Variants in NAV2 observed in about 807,000 individuals in gnomAD.
NAV2 encodes helicase, APC down-regulated 1.
A neutral mutation model predicts 223.2 loss-of-function variants in NAV2; 54 were observed. That is an observed-to-expected ratio of 0.24 (90% CI 0.19 to 0.30). The LOEUF (loss-of-function observed/expected upper bound fraction) is 0.30, where lower values mean the gene tolerates loss of function less well. NAV2 is among the 10% of genes least tolerant of loss of function. The pLI, the probability that NAV2 is intolerant of heterozygous loss-of-function variation, is 1.00. For missense variants in NAV2, 2,806 were observed against 3,147.5 expected, an observed-to-expected ratio of 0.89 and a Z score of 2.60; for synonymous variants, 1,279 against 1,239.3, an observed-to-expected ratio of 1.03 and a Z score of -0.67.
intron 1 of NAV2, among the ~76,000 whole-genome samples, chr11:19,676,638 C>T (rs1370334962): frequency 3.3e-5 from 5 of 152,164 alleles, no homozygotes; most frequent in East Asian, 1.9e-4. Context: ...AAGATGTGGA[C>T]GTCATGCACT....
At chr11:19,992,854 A>G (rs1420501133) in intron 11 of NAV2, among the ~76,000 whole-genome samples, 1 of 152,052 alleles carries the variant, frequency 6.6e-6, no homozygotes, top group Non-Finnish European at 1.5e-5. Flanking sequence ...CAGCCTCCCA[A>G]AGTGCTGAGA....
chr11:19,958,723 G>A (rs558005941), intron 10 of NAV2, among the ~76,000 whole-genome samples: 2 of 152,346 alleles, frequency 1.3e-5, no homozygotes, highest in South Asian at 4.1e-4. Flanking sequence ...ACCAGCAGCA[G>A]CGGTGGCACC....
chr11:19,646,663 A>C (rs1424313086), intron 1 of NAV2, among the ~76,000 whole-genome samples: 1 of 152,142 alleles, frequency 6.6e-6, no homozygotes, highest in African/African-American at 2.4e-5. Context: ...TGCTGGCCAG[A>C]GGCAGGTAAT....
At chr11:19,566,684 G>A (rs2045279497) in intron 1 of NAV2, among the ~76,000 whole-genome samples, 1 of 152,190 alleles carries the variant, frequency 6.6e-6, no homozygotes, top group African/African-American at 2.4e-5. Context: ...AGATGAGTAT[G>A]AGACAGAGAA....
rs1851963628 is a variant in NAV2 at position 19,456,521 on chromosome 11, T to C, written c.75+105494T>C. 3.3e-5 allele frequency among the ~76,000 whole-genome samples: 5 copies of C among 152,142 alleles called. No homozygotes were observed. In the South Asian group the frequency reaches 1.0e-3, roughly 32 times the overall value. On this transcript the variant is annotated intron_variant, in intron 1 of 37. Transcript: ENST00000360655. ...CTCACAGCTCCTCCCAATACCTACT[T>C]TCTTTCTTGGCCAGCATAGAGGCAG...
chr11:19,858,015 C>T (rs1005690450), intron 3 of NAV2, among the ~76,000 whole-genome samples: 10 of 152,188 alleles, frequency 6.6e-5, no homozygotes, highest in African/African-American at 1.9e-4. Flanking sequence ...CGCCACCATG[C>T]CCGGCTAATT....
intron 19 of NAV2, among the ~76,000 whole-genome samples, chr11:20,060,685 A>G (rs1425966181): frequency 6.6e-6 from 1 of 152,204 alleles, no homozygotes; most frequent in African/African-American, 2.4e-5. Context: ...CGAAATGAGG[A>G]AAGGTCCCAT....
At chr11:19,701,144 C>A (rs57899674) in intron 1 of NAV2, among the ~76,000 whole-genome samples, 1 of 151,964 alleles carries the variant, frequency 6.6e-6, no homozygotes, top group Non-Finnish European at 1.5e-5. Context: ...ATCCAGCCTC[C>A]GTGTTCCCCT....
intron 13 of NAV2, among the ~76,000 whole-genome samples, chr11:20,044,584 G>C (rs2057259168): frequency 6.6e-6 from 1 of 152,166 alleles, no homozygotes; most frequent in Admixed American, 6.5e-5. Context: ...TGTATGGTGA[G>C]TTGATGTTGT....
At chr11:20,076,205 G>A (rs2059742789) in intron 22 of NAV2, among the ~76,000 whole-genome samples, 1 of 148,984 alleles carries the variant, frequency 6.7e-6, no homozygotes, top group African/African-American at 2.5e-5. Flanking sequence ...GTATTCAGAA[G>A]GAACTACAGG....
At chr11:19,473,154 G>A (rs1034963243) in intron 1 of NAV2, among the ~76,000 whole-genome samples, 5 of 152,194 alleles carry the variant, frequency 3.3e-5, no homozygotes, top group African/African-American at 1.2e-4. Context: ...AGAGCCAACT[G>A]AAGCCAGAAG....
At chr11:19,450,617 C>T (rs116421346) in intron 1 of NAV2, among the ~76,000 whole-genome samples, 1 of 152,308 alleles carries the variant, frequency 6.6e-6, no homozygotes, top group African/African-American at 2.4e-5. Context: ...TATCAGAAAC[C>T]ACACATGTAT....
intron 1 of NAV2, among the ~76,000 whole-genome samples, chr11:19,533,963 C>T (rs986385065): frequency 5.3e-5 from 8 of 151,486 alleles, no homozygotes; most frequent in Non-Finnish European, 7.4e-5. Flanking sequence ...GCCTCGGCCT[C>T]CCAAAGTGCT....
chr11:19,894,093 T>C (rs900520895), intron 6 of NAV2, among the ~76,000 whole-genome samples: 2 of 152,238 alleles, frequency 1.3e-5, no homozygotes, highest in Admixed American at 6.5e-5. Context: ...CATTGATGTG[T>C]AAAAGCTAAA....
intron 1 of NAV2, among the ~76,000 whole-genome samples, chr11:19,747,691 G>A (rs1428633510): frequency 6.6e-6 from 1 of 152,092 alleles, no homozygotes; most frequent in Admixed American, 6.5e-5. Context: ...TGCTCCCCCT[G>A]ACTATCTTTA....
intron 1 of NAV2, among the ~76,000 whole-genome samples, chr11:19,418,284 A>G (rs184033584): frequency 6.6e-6 from 1 of 152,278 alleles, no homozygotes; most frequent in East Asian, 1.9e-4. Flanking sequence ...TGAGCTATGA[A>G]CAAGTTCTAC....
intron 1 of NAV2, among the ~76,000 whole-genome samples, chr11:19,627,790 G>A (rs1030697301): frequency 7.2e-5 from 11 of 151,776 alleles, no homozygotes; most frequent in African/African-American, 1.7e-4. Flanking sequence ...GTTGGGCCCC[G>A]CCTGCAAAGT....
chr11:20,026,800 C>T (rs541003358), intron 11 of NAV2, among the ~76,000 whole-genome samples: 58 of 152,234 alleles, frequency 3.8e-4, no homozygotes, highest in South Asian at 2.7e-3. Context: ...TTGTATGACC[C>T]GTGGGACTAT....
At chr11:19,855,724 C>T (rs951844649) in intron 3 of NAV2, among the ~76,000 whole-genome samples, 1 of 152,206 alleles carries the variant, frequency 6.6e-6, no homozygotes, top group African/African-American at 2.4e-5. Context: ...TCCTCAGGCC[C>T]CCTTCTGTCT....
Sources: gnomAD v4.1 joint callset for allele counts (sites outside exome capture counted in the v4.1 genomes callset) on GRCh38, gnomAD v4.1.1 for gene constraint, MANE v1.5 for transcripts, NCBI Gene and HGNC (gene_info 2026-07-23, HGNC 2026-07-21) for gene names.